PTPRM: variants seen among roughly 807,000 people sequenced by gnomAD.
PTPRM encodes the protein receptor-type tyrosine-protein phosphatase mu.
Under a neutral mutation model 186.7 loss-of-function variants are expected in PTPRM, and 47 were observed. That is an observed-to-expected ratio of 0.25 (90% CI 0.20 to 0.32). The LOEUF is 0.32. PTPRM is among the 10% of genes least tolerant of loss of function. The pLI is 1.00. For synonymous variants in PTPRM, 668 were observed against 674.9 expected (o/e 0.99, Z 0.16); for missense variants, 1,494 against 1,865.0 (o/e 0.80, Z 3.66).
chr18:8,008,367 G>A (rs1330748177), intron 7 of PTPRM, among the ~76,000 whole-genome samples: 6 of 152,080 alleles, frequency 3.9e-5, no homozygotes, highest in Non-Finnish European at 7.4e-5. Context: ...GAAGAAGGTC[G>A]GGGAAAAGTT....
chr18:8,134,035 G>A (rs2092578167), intron 13 of PTPRM, among the ~76,000 whole-genome samples: 1 of 152,136 alleles, frequency 6.6e-6, no homozygotes. Flanking sequence ...AGTGTCAGAT[G>A]ACAATTCTTT....
intron 2 of PTPRM, among the ~76,000 whole-genome samples, chr18:7,872,378 CTCT>C (rs1243262645): frequency 1.3e-5 from 2 of 152,144 alleles, no homozygotes; most frequent in Non-Finnish European, 2.9e-5. Context: ...CTAATATTTT[CTCT>C]TCATGTTATT....
chr18:7,633,994 T>C (rs779824375), intron 1 of PTPRM, among the ~76,000 whole-genome samples: 24 of 152,098 alleles, frequency 1.6e-4, no homozygotes, highest in Non-Finnish European at 3.2e-4. Context: ...TCTTCCATTT[T>C]TCACCTGGGA....
chr18:8,390,415 A>G (rs915113389), intron 31 of PTPRM, among the ~76,000 whole-genome samples: 1 of 152,260 alleles, frequency 6.6e-6, no homozygotes, highest in Non-Finnish European at 1.5e-5. Context: ...AATATTGACA[A>G]CGTGGACTTT....
chr18:8,246,030 G>GCTT (rs2094473869), intron 15 of PTPRM, among the ~76,000 whole-genome samples: 1 of 152,160 alleles, frequency 6.6e-6, no homozygotes, highest in Admixed American at 6.5e-5. Flanking sequence ...GCCAACAGAA[G>GCTT]GAACACAGCA....
At chr18:8,228,317 T>G (rs1022881785) in intron 14 of PTPRM, among the ~76,000 whole-genome samples, 2 of 152,000 alleles carry the variant, frequency 1.3e-5, no homozygotes, top group Non-Finnish European at 2.9e-5. Context: ...AGCTCACAAG[T>G]TTTTCCTTGG....
intron 1 of PTPRM, among the ~76,000 whole-genome samples, chr18:7,750,355 AT>A (rs1463517988): frequency 6.6e-6 from 1 of 152,228 alleles, no homozygotes; most frequent in Non-Finnish European, 1.5e-5. Context: ...CATCTTTCAC[AT>A]TCCTCTGAAG....
At chr18:8,136,093 A>AT (rs1183210176) in intron 13 of PTPRM, among the ~76,000 whole-genome samples, 1 of 152,234 alleles carries the variant, frequency 6.6e-6, no homozygotes, top group African/African-American at 2.4e-5. Context: ...GTAGGTTTCC[A>AT]TTTTAATGCC....
At chr18:7,613,990 G>A (rs1028257008) in intron 1 of PTPRM, among the ~76,000 whole-genome samples, 1 of 152,080 alleles carries the variant, frequency 6.6e-6, no homozygotes, top group African/African-American at 2.4e-5. Context: ...AGAATGACAC[G>A]TTCATGACTT....
intron 14 of PTPRM, among the ~76,000 whole-genome samples, chr18:8,191,678 T>C (rs2093711857): frequency 6.6e-6 from 1 of 151,998 alleles, no homozygotes; most frequent in Admixed American, 6.6e-5. Flanking sequence ...CAATGGAAAA[T>C]GGCTGCCTAT....
At chr18:7,684,597 T>G (rs992236339) in intron 1 of PTPRM, among the ~76,000 whole-genome samples, 3 of 152,228 alleles carry the variant, frequency 2.0e-5, no homozygotes, top group African/African-American at 7.2e-5. Context: ...AATCATACGC[T>G]ATTTGTCCTT....
chr18:7,777,397 A>T (rs1044057127), intron 2 of PTPRM, among the ~76,000 whole-genome samples: 4 of 152,202 alleles, frequency 2.6e-5, no homozygotes, highest in African/African-American at 9.6e-5. Context: ...CAGCGTTTAC[A>T]AGTTTTACTG....
At chr18:7,634,269 C>T (rs1448643449) in intron 1 of PTPRM, among the ~76,000 whole-genome samples, 2 of 152,204 alleles carry the variant, frequency 1.3e-5, no homozygotes, top group East Asian at 3.9e-4. Context: ...CCATCTCCAG[C>T]CTCTCGATTC....
chr18:7,767,348 G>T (rs759086856), intron 1 of PTPRM, among the ~76,000 whole-genome samples: 3 of 152,126 alleles, frequency 2.0e-5, no homozygotes, highest in Non-Finnish European at 4.4e-5. Flanking sequence ...GATGATTTAC[G>T]TGTACTGGGT....
chr18:7,691,618 A>G (rs1448439105), intron 1 of PTPRM, among the ~76,000 whole-genome samples: 1 of 152,146 alleles, frequency 6.6e-6, no homozygotes, highest in Non-Finnish European at 1.5e-5. Context: ...AAGAAGTCAG[A>G]GCGTGAGGCT....
intron 19 of PTPRM, among the ~76,000 whole-genome samples, chr18:8,268,899 A>G (rs1335108727): frequency 6.6e-6 from 1 of 152,090 alleles, no homozygotes; most frequent in East Asian, 1.9e-4. Context: ...AACTCTCAAC[A>G]AATTGTGTAT....
At chr18:7,623,133 T>C (rs1451240300) in intron 1 of PTPRM, among the ~76,000 whole-genome samples, 1 of 152,214 alleles carries the variant, frequency 6.6e-6, no homozygotes, top group African/African-American at 2.4e-5. Context: ...TTTCTATTAC[T>C]CTTCTTGGCA....
chr18:8,376,614 C>G lies in PTPRM; in HGVS notation c.3462+17C>G. 2 of 1,605,850 alleles carry G rather than the reference C, an allele frequency of 1.2e-6. No individual in the cohort carries two copies. Among genetic ancestry groups the G allele is most frequent in the Non-Finnish European group, 1.7e-6 (2 of 1,176,244 alleles). The stretch of plus-strand genomic sequence containing the variant: ...CAAACAGAGGTACTCCCGCTCATCA[C>G]CTAGCCTGGGGCCTTGGTCCCTGGG... On this transcript the variant is annotated intron_variant, in intron 26 of 32. Coordinates refer to ENST00000580170, the MANE Select transcript of PTPRM (RefSeq NM_001105244.2).
At chr18:8,183,125 A>G (rs949200991) in intron 14 of PTPRM, among the ~76,000 whole-genome samples, 1 of 152,200 alleles carries the variant, frequency 6.6e-6, no homozygotes, top group Non-Finnish European at 1.5e-5. Context: ...CTTTGTTTTC[A>G]TTGTAAGTCA....
Sources: gnomAD v4.1 joint callset for allele counts (sites outside exome capture counted in the v4.1 genomes callset) on GRCh38, gnomAD v4.1.1 for gene constraint, MANE v1.5 for transcripts, NCBI Gene and HGNC (gene_info 2026-07-23, HGNC 2026-07-21) for gene names.